MGAT5: variants seen among roughly 807,000 people sequenced by gnomAD.
The protein encoded by MGAT5 is alpha-1,6-mannosylglycoprotein 6-beta-N-acetylglucosaminyltransferase.
In MGAT5, 30 loss-of-function variants were observed where a neutral mutation model predicts 94.3. The observed-to-expected ratio is 0.32, with a 90% CI of 0.24 to 0.43. The LOEUF (loss-of-function observed/expected upper bound fraction) is 0.43, where lower values mean the gene tolerates loss of function less well. MGAT5 is among the 20% of genes least tolerant of loss of function. The probability of loss-of-function intolerance (pLI) is 1.00; values close to 1 mark genes in which losing one functional copy is unlikely to be tolerated. For synonymous variants in MGAT5, 310 were observed against 322.9 expected, an observed-to-expected ratio of 0.96 and a Z score of 0.43; for missense variants, 691 against 905.5, an observed-to-expected ratio of 0.76 and a Z score of 3.04.
intron 1 of MGAT5, among the ~76,000 whole-genome samples, chr2:134,244,881 A>C (rs909654854): frequency 1.3e-5 from 2 of 152,178 alleles, no homozygotes; most frequent in African/African-American, 4.8e-5. Context: ...TTAAACCTCT[A>C]ATAGCTTCCC....
At chr2:134,209,182 A>G (rs10186027) in intron 1 of MGAT5, among the ~76,000 whole-genome samples, 1 of 30,488 alleles carries the variant, frequency 3.3e-5, no homozygotes, top group African/African-American at 4.1e-4. Flanking sequence ...TTTTTTTTTT[A>G]TTTTTTAATT....
intron 9 of MGAT5, among the ~76,000 whole-genome samples, chr2:134,357,782 T>G (rs1309242245): frequency 6.6e-6 from 1 of 152,116 alleles, no homozygotes; most frequent in Non-Finnish European, 1.5e-5. Context: ...TGTCAACAAT[T>G]TAGGCGCTCA....
chr2:134,132,754 T>TGGAAGACCCTGTTCAAGTGAG (rs1686233330), intron 1 of MGAT5, among the ~76,000 whole-genome samples: 1 of 152,260 alleles, frequency 6.6e-6, no homozygotes, highest in African/African-American at 2.4e-5. Flanking sequence ...ACCTTCTGTT[T>TGGAAGACCCTGTTCAAGTGAG]GGAAGACCCT....
chr2:134,391,897 T>C (rs1020527812), intron 10 of MGAT5, among the ~76,000 whole-genome samples: 2 of 152,188 alleles, frequency 1.3e-5, no homozygotes, highest in African/African-American at 4.8e-5. Flanking sequence ...AGAGTCCAGG[T>C]GCAGGTGGGT....
At chr2:134,127,408 T>A (rs1385518564) in intron 1 of MGAT5, among the ~76,000 whole-genome samples, 1 of 152,092 alleles carries the variant, frequency 6.6e-6, no homozygotes, top group Non-Finnish European at 1.5e-5. Context: ...AATGTAATTC[T>A]CCTGGGTAAA....
chr2:134,234,847 G>C (rs1559001894), intron 1 of MGAT5, among the ~76,000 whole-genome samples: 1 of 152,236 alleles, frequency 6.6e-6, no homozygotes, highest in Non-Finnish European at 1.5e-5. Flanking sequence ...GGTGGACTGA[G>C]CAGGTGAGTG....
intron 1 of MGAT5, among the ~76,000 whole-genome samples, chr2:134,229,250 G>T (rs536050767): frequency 1.3e-5 from 2 of 152,298 alleles, no homozygotes; most frequent in Admixed American, 1.3e-4. Context: ...TCTTTGGACT[G>T]ATTTACATTT....
At chr2:134,290,018 T>TA (rs1685248288) in intron 2 of MGAT5, among the ~76,000 whole-genome samples, 1 of 152,226 alleles carries the variant, frequency 6.6e-6, no homozygotes, top group South Asian at 2.1e-4. Context: ...TGAGTCCTCC[T>TA]AGCAAATCAT....
intron 1 of MGAT5, among the ~76,000 whole-genome samples, chr2:134,120,702 G>C (rs926347379): frequency 6.6e-6 from 1 of 151,920 alleles, no homozygotes; most frequent in Non-Finnish European, 1.5e-5. Context: ...AGCCCGGTGG[G>C]GGTCACGCCG....
At position 134,254,411 on chromosome 2, in the gene MGAT5, T is replaced by A. The variant is rs760435313; in HGVS notation, c.8T>A (p.Leu3His). 1 of 1,614,214 alleles carries A rather than the reference T, an allele frequency of 6.2e-7. No individual in the cohort carries two copies. The highest frequency in any genetic ancestry group is 8.5e-7 in the Non-Finnish European group (1 of 1,180,030). Reference sequence around the variant, plus strand: ...TGAAGTTGCCAGAGAGCAATGGCTCTCTTCACTCCGTGGAAGTTGTCCTCT... The same window carrying A: ...TGAAGTTGCCAGAGAGCAATGGCTCACTTCACTCCGTGGAAGTTGTCCTCT... The part of the protein sequence containing the change: MA[L>H]FTPWKLSSQK... The change falls in exon 1 of 16, where the codon CTC becomes CAC. Residue 3 changes from leucine to histidine, a missense_variant. Around this residue, in one of 4 missense-constraint regions of MGAT5, gnomAD observed 307 missense variants for 335.4 expected, o/e 0.92. Transcript: ENST00000281923.
chr2:134,388,952 G>C (rs1450767709), intron 10 of MGAT5, among the ~76,000 whole-genome samples: 1 of 152,084 alleles, frequency 6.6e-6, no homozygotes, highest in East Asian at 1.9e-4. Flanking sequence ...GTAGAGATGG[G>C]GTTTCACCAT....
At chr2:134,126,841 A>G (rs1685859757) in intron 1 of MGAT5, among the ~76,000 whole-genome samples, 1 of 150,696 alleles carries the variant, frequency 6.6e-6, no homozygotes, top group African/African-American at 2.4e-5. Flanking sequence ...TGTAACTACT[A>G]CCTTTCAACA....
intron 2 of MGAT5, among the ~76,000 whole-genome samples, chr2:134,274,618 G>C (rs1010721139): frequency 6.6e-6 from 1 of 152,226 alleles, no homozygotes. Flanking sequence ...TCAATAAAGA[G>C]TTGTCATTCA....
intron 11 of MGAT5, among the ~76,000 whole-genome samples, chr2:134,412,359 C>T (rs1683719474): frequency 6.6e-6 from 1 of 152,170 alleles, no homozygotes; most frequent in African/African-American, 2.4e-5. Flanking sequence ...GACCTACCAT[C>T]ATTTTAAAGC....
Position 134,302,716 on chromosome 2 carries a change from C to CTGTGTGTG in MGAT5, c.407-14765_407-14758dup, listed in dbSNP as rs3034344. On this transcript the variant is annotated intron_variant, in intron 2 of 15. Coordinates refer to ENST00000281923, the MANE Select transcript of MGAT5 (RefSeq NM_002410.5). ...GTTTTCTCTCAGCATTTAAGAAATG[C>CTGTGTGTG]TGTGTGTGTGTGTGTGTGTGTGTGT... 3.1e-3 allele frequency among the ~76,000 whole-genome samples: 414 copies of CTGTGTGTG among 133,680 alleles called. 4 individuals carry two copies. The highest frequency in any genetic ancestry group is 0.016 in the Admixed American group (217 of 13,212). The allele number at this position is 133,680 out of a possible 152,430, so 87.7% of individuals were successfully genotyped here.
At chr2:134,142,643 T>G (rs762467851) in intron 1 of MGAT5, among the ~76,000 whole-genome samples, 1 of 152,244 alleles carries the variant, frequency 6.6e-6, no homozygotes, top group Non-Finnish European at 1.5e-5. Flanking sequence ...TCTGCGTTTT[T>G]ATTGGTTTTG....
At chr2:134,156,411 G>A (rs1178171284) in intron 1 of MGAT5, among the ~76,000 whole-genome samples, 1 of 152,136 alleles carries the variant, frequency 6.6e-6, no homozygotes, top group Non-Finnish European at 1.5e-5. Flanking sequence ...TCTTAGGTCT[G>A]TGTGAGGTTG....
intron 4 of MGAT5, among the ~76,000 whole-genome samples, chr2:134,320,680 A>T (rs1394593918): frequency 6.6e-6 from 1 of 152,146 alleles, no homozygotes; most frequent in African/African-American, 2.4e-5. Context: ...GCCATGCAGG[A>T]AGGAGAACAC....
At chr2:134,136,769 A>G (rs937555461) in intron 1 of MGAT5, among the ~76,000 whole-genome samples, 2 of 152,096 alleles carry the variant, frequency 1.3e-5, no homozygotes, top group South Asian at 2.1e-4. Context: ...CTGCACACCC[A>G]CTGCTCCCCT....
Sources: allele counts gnomAD v4.1 joint callset (sites outside exome capture counted in the v4.1 genomes callset), GRCh38; gene constraint gnomAD v4.1.1; regional missense constraint gnomAD v4.1.1; transcripts MANE v1.5; gene names NCBI Gene and HGNC (gene_info 2026-07-23, HGNC 2026-07-21).